Variants in CUBN observed in about 807,000 individuals in gnomAD.
CUBN encodes the protein 460 kDa receptor.
A neutral mutation model predicts 405.3 loss-of-function variants in CUBN; 282 were observed. The ratio of observed to expected loss-of-function variants is 0.70; its 90% CI spans 0.63 to 0.77. The LOEUF is 0.77. Ranked by LOEUF, CUBN falls within the 30% of genes least tolerant of loss-of-function variation. The probability of loss-of-function intolerance (pLI) is 0.00; values close to 1 mark genes in which losing one functional copy is unlikely to be tolerated. For missense variants in CUBN, 4,514 were observed against 4,475.2 expected (o/e 1.01, Z -0.25); for synonymous variants, 1,684 against 1,617.0 (o/e 1.04, Z -0.99).
chr10:17,115,977 G>T (rs1382009317), intron 6 of CUBN, among the ~76,000 whole-genome samples: 1 of 152,202 alleles, frequency 6.6e-6, no homozygotes, highest in Non-Finnish European at 1.5e-5. Flanking sequence ...AATTGGACCT[G>T]CCATGAAGCA....
At chr10:17,045,233 G>C (rs375643589) in intron 24 of CUBN, 45 bp from the exon 25 acceptor site, 4 of 1,587,354 alleles carry the variant, frequency 2.5e-6, no homozygotes, top group Non-Finnish European at 3.5e-6. Context: ...TTTCCTTCTG[G>C]GGAAATTGAA....
At chr10:16,939,273 C>T (rs1842595078) in intron 37 of CUBN, 126 bp from the exon 38 acceptor site, 1 of 792,128 alleles carries the variant, frequency 1.3e-6, no homozygotes, top group South Asian at 1.5e-5. Context: ...TCTTTTCTGA[C>T]TAGGGAAAGA....
chr10:16,922,249 C>T (rs1842054494), intron 43 of CUBN, among the ~76,000 whole-genome samples: 1 of 152,114 alleles, frequency 6.6e-6, no homozygotes, highest in South Asian at 2.1e-4. Flanking sequence ...AACCTAACAA[C>T]TGCTCCTAAG....
In CUBN at chr10:17,085,694, T is replaced by C. The variant is rs137892259; in HGVS notation, c.2013A>G (p.Pro671=). ...LGKFCTTFSV[P]PLQTTGPFAR... is the part of the protein sequence containing the mutation. ...CAAAGGGGCCAGTAGTCTGGAGCGG[T>C]GGGACAGAGAAAGTGGTGCAGAACT... The change falls in exon 16 of 67, where the codon CCA becomes CCG. Residue 671 remains proline (P), a synonymous_variant. Transcript: ENST00000377833. 8.4e-5 allele frequency: 136 copies of C among 1,613,892 alleles called. No homozygotes were observed. The highest frequency in any genetic ancestry group is 1.6e-4 in the Middle Eastern group (1 of 6,074).
Position 16,950,242 on chromosome 10 carries a change from A to G in CUBN, c.4970-131T>C. On this transcript the variant is annotated intron_variant, in intron 33 of 66. Coordinates refer to ENST00000377833, the MANE Select transcript of CUBN (RefSeq NM_001081.4). ...AGAAGGAATGAGTAAGACCTGTTTGATAGCACAACAGGGTAATTGTAGTCG... is the reference window on the plus strand; with the variant it reads ...AGAAGGAATGAGTAAGACCTGTTTGGTAGCACAACAGGGTAATTGTAGTCG... 6 of 683,328 alleles carry G rather than the reference A, an allele frequency of 8.8e-6. No individual in the cohort carries two copies. The South Asian group carries it at 9.1e-5, about 10-fold the overall frequency. The allele number at this position is 683,328 out of a possible 1,614,324, so 42.3% of individuals were successfully genotyped here. A position where few individuals can be genotyped will look rare whatever the true frequency, so the allele number is the denominator to read the frequency against.
At chr10:16,917,617 C>G (rs1380201898) in intron 45 of CUBN, among the ~76,000 whole-genome samples, 2 of 152,000 alleles carry the variant, frequency 1.3e-5, no homozygotes, top group African/African-American at 4.8e-5. Context: ...TCATAGTAAG[C>G]TGAAGAAACA....
At chr10:17,047,328 T>TA (rs1835159468) in intron 23 of CUBN, 86 bp downstream of exon 23, 1 of 1,089,570 alleles carries the variant, frequency 9.2e-7, no homozygotes, top group African/African-American at 1.8e-5. Flanking sequence ...AGAATTTCCA[T>TA]ATTTTTTTCC....
chr10:17,000,295 G>C (rs368781109), intron 28 of CUBN, among the ~76,000 whole-genome samples: 2 of 125,174 alleles, frequency 1.6e-5, no homozygotes, highest in African/African-American at 6.8e-5. Context: ...TCCCAGATCG[G>C]TGGATTCCAT....
At chr10:17,107,136 A>G (rs1433927842) in intron 10 of CUBN, among the ~76,000 whole-genome samples, 2 of 152,246 alleles carry the variant, frequency 1.3e-5, no homozygotes, top group Non-Finnish European at 2.9e-5. Context: ...TACATGAGGT[A>G]ATAGCTAACA....
At chr10:17,122,602 T>C (rs1316235784) in intron 6 of CUBN, 193 bp downstream of exon 6, 2 of 634,330 alleles carry the variant, frequency 3.2e-6, no homozygotes, top group Non-Finnish European at 5.9e-6. Flanking sequence ...GGGGTGAGAG[T>C]AAAGGACTCA....
At chr10:16,883,265 C>A (rs1035700346) in intron 56 of CUBN, among the ~76,000 whole-genome samples, 3 of 152,098 alleles carry the variant, frequency 2.0e-5, no homozygotes, top group Non-Finnish European at 4.4e-5. Flanking sequence ...TAGTATACAG[C>A]TAAGTTCCAT....
rs2131822151 is a variant in CUBN at position 17,047,414 on chromosome 10, C to T, written c.3329G>A (p.Arg1110Lys). 6.2e-7 allele frequency: 1 copy of T among 1,606,026 alleles called. No individual in the cohort carries two copies. Among genetic ancestry groups the T allele is most frequent in the South Asian group, 1.1e-5 (1 of 90,714 alleles). Reference protein sequence around the residue: ...GNYYTDFLEIRDGGYEKSPLL... With the variant: ...GNYYTDFLEIKDGGYEKSPLL... ...TAATGAAATAAATAAAAGTGCTGAC[C>T]TGATTTCCAGAAAATCTGTATAATA... Residue 1110 changes from arginine to lysine, a missense_variant and splice_region_variant, in exon 23 of 67, where the codon AGA (arginine) becomes AAA (lysine). Arg to Lys is a conservative substitution (Grantham distance 26). Around this residue, in one of 5 missense-constraint regions of CUBN, gnomAD observed 1,448 missense variants for 1,388.0 expected, o/e 1.04. Transcript: ENST00000377833.
At chr10:16,834,489 A>G (rs903807802) in intron 64 of CUBN, among the ~76,000 whole-genome samples, 63 of 152,124 alleles carry the variant, frequency 4.1e-4, no homozygotes, top group African/African-American at 1.3e-3. Flanking sequence ...GAAAGGACAG[A>G]CCACACCCCC....
rs146351739 is a variant in CUBN at position 16,940,080 on chromosome 10, A to T, written c.5500T>A (p.Ser1834Thr). The T allele has an allele frequency of 7.4e-6, 12 of 1,614,168 alleles. No individual in the cohort carries two copies. The African/African-American group carries it at 1.5e-4, about 20-fold the overall frequency. The stretch of plus-strand genomic sequence containing the variant: ...CCCGTGCCGCTGCCAGAACCATCTG[A>T]GATAAATCTGACCCACAGGGTATGT... The part of the protein sequence containing the change: ...VGHTLWVRFI[S>T]DGSGSGTGFQ... Residue 1834 changes from serine to threonine, a missense_variant, in exon 37 of 67, where the codon TCA (serine) becomes ACA (threonine). Physicochemically the swap from Ser to Thr is moderately conservative, Grantham distance 58 (BLOSUM62 1). This residue lies in a region of CUBN where 1,613 missense variants were observed against 1,542.8 expected (regional missense o/e 1.05). Transcript: ENST00000377833.
intron 51 of CUBN, among the ~76,000 whole-genome samples, chr10:16,903,662 T>C (rs1044793844): frequency 2.0e-5 from 3 of 147,662 alleles, no homozygotes; most frequent in Non-Finnish European, 4.5e-5. Flanking sequence ...TTAATAATTA[T>C]TTATTATTAT....
At chr10:16,931,263 CAA>C (rs1207387297) in intron 40 of CUBN, among the ~76,000 whole-genome samples, 5 of 113,908 alleles carry the variant, frequency 4.4e-5, no homozygotes, top group African/African-American at 6.8e-5. Context: ...GACTCCGTCT[CAA>C]AAAAAAAAAA....
intron 22 of CUBN, among the ~76,000 whole-genome samples, chr10:17,061,338 C>T (rs904456113): frequency 3.3e-5 from 5 of 152,078 alleles, no homozygotes; most frequent in African/African-American, 9.7e-5. Flanking sequence ...AATTGCTTGG[C>T]GAACAAGCAC....
chr10:16,841,183 G>T, intron 60 of CUBN, 136 bp from the exon 61 acceptor site: 1 of 720,608 alleles, frequency 1.4e-6, no homozygotes, highest in South Asian at 1.7e-5. Flanking sequence ...TCTTAATTTA[G>T]GAACAGAATT....
Position 16,899,031 on chromosome 10 carries a change from T to C in CUBN, c.8563A>G (p.Ser2855Gly), listed in dbSNP as rs865952222. 6.2e-7 allele frequency: 1 copy of C among 1,613,538 alleles called. No homozygotes were observed. The change falls in exon 54 of 67, where the codon AGC (serine) becomes GGC (glycine). Residue 2855 changes from serine to glycine, a missense_variant. Coordinates refer to ENST00000377833, the MANE Select transcript of CUBN (RefSeq NM_001081.4). ...ISFDNNFLIP[S>G]GDGQCQNSFV... ...CTATTCTGACATTGTCCATCACCGCTGGGGATTAGGAAGTTGTTGTCAAAG... is the reference window on the plus strand; with the variant it reads ...CTATTCTGACATTGTCCATCACCGCCGGGGATTAGGAAGTTGTTGTCAAAG...
Sources: gnomAD v4.1 joint callset for allele counts (sites outside exome capture counted in the v4.1 genomes callset) on GRCh38, gnomAD v4.1.1 for gene constraint, gnomAD v4.1.1 regional missense constraint, MANE v1.5 for transcripts, NCBI Gene and HGNC (gene_info 2026-07-23, HGNC 2026-07-21) for gene names.